The following LRP1B variants were observed in gnomAD, a reference collection of about 807,000 sequenced individuals.
LRP1B encodes low-density lipoprotein receptor-related protein 1B.
Under a neutral mutation model 556.6 loss-of-function variants are expected in LRP1B, and 217 were observed. The ratio of observed to expected loss-of-function variants is 0.39; its 90% CI spans 0.35 to 0.44. The LOEUF (loss-of-function observed/expected upper bound fraction) is 0.44. Among genes scored for constraint, LRP1B ranks in the 20% least tolerant of loss-of-function variants. The pLI is 1.00. For missense variants in LRP1B, 5,053 were observed against 5,620.8 expected (o/e 0.90, Z 3.23); for synonymous variants, 2,047 against 1,865.8 (o/e 1.10, Z -2.50).
chr2:141,122,818 C>T lies in LRP1B; in HGVS notation c.1014-60545G>A, dbSNP rs1380370801. Among the ~76,000 whole-genome samples, 21 of 152,194 alleles carry T rather than the reference C, an allele frequency of 1.4e-4. No homozygotes were observed. In the East Asian group the frequency reaches 4.1e-3, roughly 29 times the overall value. ...ATGCACATGTATGTTTATAGCGGCACTATTCACAATAGCAAAGACTTGGAA... is the reference window on the plus strand; with the variant it reads ...ATGCACATGTATGTTTATAGCGGCATTATTCACAATAGCAAAGACTTGGAA... On this transcript the variant is annotated intron_variant, in intron 7 of 90. Coordinates refer to ENST00000389484, the MANE Select transcript of LRP1B (RefSeq NM_018557.3).
intron 2 of LRP1B, among the ~76,000 whole-genome samples, chr2:141,504,320 A>G (rs941649285): frequency 6.6e-6 from 1 of 152,144 alleles, no homozygotes; most frequent in African/African-American, 2.4e-5. Flanking sequence ...AGTAATCATT[A>G]AATATTCACA....
At chr2:141,842,560 T>C (rs572350748) in intron 1 of LRP1B, among the ~76,000 whole-genome samples, 4 of 152,230 alleles carry the variant, frequency 2.6e-5, no homozygotes, top group Non-Finnish European at 5.9e-5. Flanking sequence ...TTTTAAAAGT[T>C]CCTGACACAA....
chr2:141,160,447 CTA>C (rs1373164887), intron 7 of LRP1B, among the ~76,000 whole-genome samples: 23 of 152,000 alleles, frequency 1.5e-4, no homozygotes, highest in Non-Finnish European at 3.2e-4. Context: ...ACACAAAAAC[CTA>C]TAGACAGATT....
intron 35 of LRP1B, among the ~76,000 whole-genome samples, chr2:140,757,410 A>T (rs1248781632): frequency 6.6e-6 from 1 of 152,258 alleles, no homozygotes; most frequent in Non-Finnish European, 1.5e-5. Context: ...CTATCAAATG[A>T]TAAATGTCTA....
intron 2 of LRP1B, among the ~76,000 whole-genome samples, chr2:141,555,783 A>T (rs542878026): frequency 1.3e-5 from 2 of 151,860 alleles, no homozygotes; most frequent in African/African-American, 4.8e-5. Context: ...TGTATTTTAT[A>T]TATATTCTAC....
At chr2:140,869,153 A>T (rs1364531847) in intron 25 of LRP1B, among the ~76,000 whole-genome samples, 1 of 151,678 alleles carries the variant, frequency 6.6e-6, no homozygotes, top group Non-Finnish European at 1.5e-5. Context: ...GCCCATAAAA[A>T]CCCCAGACTC....
intron 18 of LRP1B, among the ~76,000 whole-genome samples, chr2:140,966,825 T>C (rs1010451562): frequency 6.6e-6 from 1 of 152,210 alleles, no homozygotes; most frequent in African/African-American, 2.4e-5. Context: ...CTTGTTTTTG[T>C]CAGGTCTGTC....
intron 51 of LRP1B, among the ~76,000 whole-genome samples, chr2:140,511,324 C>CG (rs1689645935): frequency 1.3e-5 from 1 of 78,706 alleles, no homozygotes; most frequent in African/African-American, 6.3e-5. Context: ...TTTTTTGAGA[C>CG]GGAGTCTCGC....
chr2:141,602,120 C>T (rs1200316277), intron 2 of LRP1B, among the ~76,000 whole-genome samples: 2 of 152,008 alleles, frequency 1.3e-5, no homozygotes, highest in East Asian at 1.9e-4. Context: ...TGCCTGTATC[C>T]GTGGAAGTTG....
rs1408303715 is a variant in LRP1B, at chr2:140,693,758, A to AGTATGGTGGT, written c.6799+6482_6799+6491dup. ...AGTCACACTCTGTCACCCAGGCTGG[A>AGTATGGTGGT]GTATGGTGGTGCAATCTTGGCTCAC... On this transcript the variant is annotated intron_variant, in intron 41 of 90. Coordinates refer to ENST00000389484, the MANE Select transcript of LRP1B (RefSeq NM_018557.3). Among the ~76,000 whole-genome samples, 11 of 152,158 alleles carry AGTATGGTGGT rather than the reference A, an allele frequency of 7.2e-5. No individual in the cohort carries two copies. The East Asian group carries it at 1.7e-3, about 24-fold the overall frequency.
intron 41 of LRP1B, among the ~76,000 whole-genome samples, chr2:140,685,164 T>G (rs1056269147): frequency 6.6e-6 from 1 of 152,176 alleles, no homozygotes; most frequent in Non-Finnish European, 1.5e-5. Context: ...ATTCACAGTA[T>G]TTGAAAGTTT....
intron 22 of LRP1B, among the ~76,000 whole-genome samples, chr2:140,907,495 C>T (rs1694290444): frequency 6.6e-6 from 1 of 152,020 alleles, no homozygotes; most frequent in Non-Finnish European, 1.5e-5. Flanking sequence ...GAAGGCTTAT[C>T]AAAATATATA....
chr2:140,590,698 C>T (rs987700922), intron 43 of LRP1B, among the ~76,000 whole-genome samples: 1 of 152,002 alleles, frequency 6.6e-6, no homozygotes, highest in African/African-American at 2.4e-5. Context: ...TATGCTGGCA[C>T]CCTGATGTCA....
At chr2:141,610,215 C>A (rs1464894546) in intron 2 of LRP1B, among the ~76,000 whole-genome samples, 1 of 149,888 alleles carries the variant, frequency 6.7e-6, no homozygotes, top group Non-Finnish European at 1.5e-5. Context: ...ATACCTAATG[C>A]TAAATGACGA....
chr2:140,688,706 C>T (rs1686134509), intron 41 of LRP1B, among the ~76,000 whole-genome samples: 1 of 152,130 alleles, frequency 6.6e-6, no homozygotes, highest in South Asian at 2.1e-4. Flanking sequence ...AGTTGCTGTG[C>T]AAGCAGAGAC....
chr2:140,815,879 T>G lies in LRP1B; in HGVS notation c.5210-2073A>C, dbSNP rs865885106. 2.0e-4 allele frequency among the ~76,000 whole-genome samples: 31 copies of G among 151,758 alleles called. 1 individual carries two copies. The highest frequency in any genetic ancestry group is 7.5e-4 in the African/African-American group (31 of 41,472). The stretch of plus-strand genomic sequence containing the variant: ...GAATGTTGTCTCTCTTTTTTTTTTT[T>G]TTTTGGATCTGAGTTCACCAGAGTC... On this transcript the variant is annotated intron_variant, in intron 31 of 90. Transcript: ENST00000389484.
At chr2:141,917,720 G>C (rs1174672679) in intron 1 of LRP1B, among the ~76,000 whole-genome samples, 1 of 152,160 alleles carries the variant, frequency 6.6e-6, no homozygotes. Context: ...TGAAAAGTTT[G>C]TAGCCATCCA....
intron 2 of LRP1B, among the ~76,000 whole-genome samples, chr2:141,514,967 T>C (rs1307687142): frequency 6.6e-6 from 1 of 151,548 alleles, no homozygotes; most frequent in African/African-American, 2.4e-5. Flanking sequence ...GGAAACCTGG[T>C]CATGGGTCAG....
At chr2:140,969,185 A>AAGG (rs1193552597) in intron 18 of LRP1B, among the ~76,000 whole-genome samples, 1 of 152,132 alleles carries the variant, frequency 6.6e-6, no homozygotes, top group Non-Finnish European at 1.5e-5. Context: ...GTAGGTCTCT[A>AAGG]AGGACTTGCT....
Sources: allele counts gnomAD v4.1 joint callset (sites outside exome capture counted in the v4.1 genomes callset), GRCh38; gene constraint gnomAD v4.1.1; transcripts MANE v1.5; gene names NCBI Gene and HGNC (gene_info 2026-07-23, HGNC 2026-07-21).